RPS6KC1: variants seen among roughly 807,000 people sequenced by gnomAD.
RPS6KC1 encodes the protein ribosomal protein S6 kinase C1.
RPS6KC1 carries 54 observed loss-of-function variants against 103.8 expected under a neutral mutation model. That is an observed-to-expected ratio of 0.52 (90% CI 0.42 to 0.65). The LOEUF (loss-of-function observed/expected upper bound fraction) is 0.65. Ranked by LOEUF, RPS6KC1 falls within the 30% of genes least tolerant of loss-of-function variation. RPS6KC1 has a pLI of 0.00. For missense variants in RPS6KC1, 1,151 were observed against 1,253.8 expected (o/e 0.92, Z 1.24); for synonymous variants, 439 against 438.7 (o/e 1.00, Z -0.01).
At chr1:213,661,370 T>TG in the RPS6KC1 span, among the ~76,000 whole-genome samples, 2 of 151,984 alleles carry the variant, frequency 1.3e-5, no homozygotes, top group Non-Finnish European at 2.9e-5. Context: ...TGGAAGTCAG[T>TG]GGGGTGGAAC....
At chr1:213,743,080 T>G in the RPS6KC1 span, among the ~76,000 whole-genome samples, 2 of 152,226 alleles carry the variant, frequency 1.3e-5, no homozygotes, top group African/African-American at 4.8e-5. Flanking sequence ...GAAAGACACA[T>G]GCACTCATAT....
At chr1:213,593,139 T>G in the RPS6KC1 span, among the ~76,000 whole-genome samples, 25 of 150,844 alleles carry the variant, frequency 1.7e-4, no homozygotes, top group Admixed American at 1.7e-3. Context: ...AAGACTGGTG[T>G]GGTGGGGCAC....
At chr1:213,110,343 TG>T (rs1351565613) in intron 4 of RPS6KC1, among the ~76,000 whole-genome samples, 2 of 152,176 alleles carry the variant, frequency 1.3e-5, no homozygotes, top group African/African-American at 4.8e-5. Context: ...TAAGTTCTGA[TG>T]TTTTTTTTCT....
the RPS6KC1 span, among the ~76,000 whole-genome samples, chr1:213,284,709 T>G: frequency 6.6e-6 from 1 of 151,978 alleles, no homozygotes; most frequent in Non-Finnish European, 1.5e-5. Flanking sequence ...TAATAAAAAC[T>G]AATTCAAGAA....
the RPS6KC1 span, among the ~76,000 whole-genome samples, chr1:213,519,279 A>T: frequency 6.6e-6 from 1 of 151,254 alleles, no homozygotes; most frequent in African/African-American, 2.4e-5. Flanking sequence ...AAATATACAC[A>T]AAGATAAGAA....
chr1:213,151,230 A>C (rs1190351114), intron 6 of RPS6KC1, among the ~76,000 whole-genome samples: 1 of 104,468 alleles, frequency 9.6e-6, no homozygotes, highest in Non-Finnish European at 1.9e-5. Flanking sequence ...TGACCCCCCC[A>C]CCTCCCTCCC....
At chr1:213,830,835 G>C in the RPS6KC1 span, among the ~76,000 whole-genome samples, 1 of 152,086 alleles carries the variant, frequency 6.6e-6, no homozygotes, top group African/African-American at 2.4e-5. Flanking sequence ...GAAAGCCAGG[G>C]GAGTAGGCCC....
intron 8 of RPS6KC1, among the ~76,000 whole-genome samples, chr1:213,202,979 T>C (rs1056116629): frequency 7.9e-5 from 12 of 152,164 alleles, no homozygotes; most frequent in Non-Finnish European, 1.5e-5. Context: ...TGATGAATAT[T>C]CTTAGAGGTC....
chr1:213,319,718 T>C, the RPS6KC1 span, among the ~76,000 whole-genome samples: 6 of 152,116 alleles, frequency 3.9e-5, no homozygotes, highest in African/African-American at 1.4e-4. Flanking sequence ...CTATGGAACT[T>C]TGCTCTGCAT....
At chr1:213,118,647 G>GT (rs1011489270) in intron 5 of RPS6KC1, among the ~76,000 whole-genome samples, 23 of 149,146 alleles carry the variant, frequency 1.5e-4, no homozygotes, top group Middle Eastern at 3.5e-3. Context: ...GTGCACTTAA[G>GT]TTTTTTTTTT....
chr1:213,186,254 T>C (rs1370833598), intron 8 of RPS6KC1, among the ~76,000 whole-genome samples: 1 of 152,012 alleles, frequency 6.6e-6, no homozygotes, highest in East Asian at 1.9e-4. Flanking sequence ...TAGCATTTCT[T>C]ATAATGTAGA....
the RPS6KC1 span, among the ~76,000 whole-genome samples, chr1:213,597,371 C>T: frequency 3.9e-5 from 6 of 152,226 alleles, no homozygotes; most frequent in South Asian, 2.1e-4. Context: ...GGGCCATGTC[C>T]GCCAGTCTAG....
chr1:213,167,512 A>G (rs1322263644), intron 6 of RPS6KC1, among the ~76,000 whole-genome samples: 1 of 147,592 alleles, frequency 6.8e-6, no homozygotes, highest in Non-Finnish European at 1.5e-5. Flanking sequence ...ATTTGGTCCT[A>G]TTTGTTGAGT....
chr1:213,515,188 A>G, the RPS6KC1 span, among the ~76,000 whole-genome samples: 4 of 152,022 alleles, frequency 2.6e-5, no homozygotes, highest in Middle Eastern at 3.4e-3. Flanking sequence ...TTGCCTGTTC[A>G]CTCTGATGGT....
chr1:213,174,265 C>T lies in RPS6KC1; in HGVS notation c.952-2135C>T, dbSNP rs146220566. Reference sequence around the variant, plus strand: ...ACAAACACTCCAGCATTCTGAGAATCCCTTTATTCATCTGTAAAATGGGAA... The same window carrying T: ...ACAAACACTCCAGCATTCTGAGAATTCCTTTATTCATCTGTAAAATGGGAA... On this transcript the variant is annotated intron_variant, in intron 7 of 14. Transcript: ENST00000366960. Among the ~76,000 whole-genome samples the T allele has an allele frequency of 3.9e-3, 596 of 152,304 alleles. 4 individuals are homozygous for T. The highest frequency in any genetic ancestry group is 0.012 in the African/African-American group (479 of 41,566).
At chr1:213,728,766 T>C in the RPS6KC1 span, among the ~76,000 whole-genome samples, 1 of 151,968 alleles carries the variant, frequency 6.6e-6, no homozygotes, top group Admixed American at 6.6e-5. Context: ...CAATCAAATC[T>C]AGATGTGTCA....
chr1:213,288,960 T>A, the RPS6KC1 span, among the ~76,000 whole-genome samples: 7 of 152,168 alleles, frequency 4.6e-5, no homozygotes, highest in Admixed American at 3.9e-4. Flanking sequence ...GTCTGTTTTT[T>A]AAATCTGACA....
the RPS6KC1 span, among the ~76,000 whole-genome samples, chr1:213,484,735 T>C: frequency 9.4e-4 from 143 of 152,314 alleles, 1 homozygote; most frequent in African/African-American, 3.2e-3. Flanking sequence ...TTAGGTTTGC[T>C]CAGAAGCAGA....
At chr1:213,103,665 A>G (rs2082216717) in intron 3 of RPS6KC1, among the ~76,000 whole-genome samples, 1 of 152,164 alleles carries the variant, frequency 6.6e-6, no homozygotes, top group South Asian at 2.1e-4. Flanking sequence ...AATACTCTGC[A>G]AAGGCACTTA....
Sources: allele counts gnomAD v4.1 joint callset (sites outside exome capture counted in the v4.1 genomes callset), GRCh38; gene constraint gnomAD v4.1.1; transcripts MANE v1.5; gene names NCBI Gene and HGNC (gene_info 2026-07-23, HGNC 2026-07-21).